COL1A2: variants seen among roughly 807,000 people sequenced by gnomAD.
The protein encoded by COL1A2 is collagen alpha-2(I) chain.
A neutral mutation model predicts 174.3 loss-of-function variants in COL1A2; 49 were observed. That is an observed-to-expected ratio of 0.28 (90% CI 0.22 to 0.36). The LOEUF is 0.36. COL1A2 is among the 10% of genes least tolerant of loss of function. The pLI is 1.00. For synonymous variants in COL1A2, 655 were observed against 606.6 expected (o/e 1.08, Z -1.17); for missense variants, 1,438 against 1,822.7 (o/e 0.79, Z 3.84).
intron 50 of COL1A2, 62 bp from the exon 51 acceptor site, chr7:94,429,125 TG>T: frequency 8.4e-6 from 9 of 1,076,266 alleles, no homozygotes; most frequent in South Asian, 3.1e-5. Context: ...TTTTTTTTCA[TG>T]TTTGACTCTT....
At chr7:94,419,686 G>A in intron 34 of COL1A2, 135 bp downstream of exon 34, 1 of 945,386 alleles carries the variant, frequency 1.1e-6, no homozygotes, top group Non-Finnish European at 1.7e-6. Context: ...TATTGTGATA[G>A]AGCAGCAGGA....
At chr7:94,399,182 C>T in intron 4 of COL1A2, 98 bp downstream of exon 4, 3 of 1,128,462 alleles carry the variant, frequency 2.7e-6, no homozygotes, top group Non-Finnish European at 4.0e-6. Flanking sequence ...TATTATGTAT[C>T]CAGATAATTG....
rs1791987382 is a variant in COL1A2, at chr7:94,414,063, GA to G, written c.1665+119del. On this transcript the variant is annotated intron_variant, in intron 28 of 51. Coordinates refer to ENST00000297268, the MANE Select transcript of COL1A2 (RefSeq NM_000089.4). ...AACATGATTTCAGGACTGAAGCAAA[GA>G]AAGGTGCATTTTTTTCAAACAAACT... is the stretch of plus-strand genomic sequence containing the variant. 4.5e-6 allele frequency: 6 copies of G among 1,333,700 alleles called. No homozygotes were observed. The South Asian group carries it at 7.2e-5, about 16-fold the overall frequency. 82.6% of individuals were successfully genotyped at this position (1,333,700 alleles called of 1,614,324 possible).
chr7:94,405,761 C>A lies in COL1A2; in HGVS notation c.540+35C>A, dbSNP rs1298289409. 10 of 1,565,612 alleles carry A rather than the reference C, an allele frequency of 6.4e-6. No individual in the cohort carries two copies. The African/African-American group carries it at 8.1e-5, about 13-fold the overall frequency. On this transcript the variant is annotated intron_variant, in intron 11 of 51. Coordinates refer to ENST00000297268, the MANE Select transcript of COL1A2 (RefSeq NM_000089.4). ...TTCTTTACTCAGAAGAGAGAAAATGCCTATTAATTTTTGGAAAAAACTCAA... is the reference window on the plus strand; with the variant it reads ...TTCTTTACTCAGAAGAGAGAAAATGACTATTAATTTTTGGAAAAAACTCAA...
At chr7:94,409,244 TA>T in intron 16 of COL1A2, 77 bp from the exon 17 acceptor site, 1 of 1,258,894 alleles carries the variant, frequency 7.9e-7, no homozygotes. Flanking sequence ...AGACATTTCA[TA>T]AAACTTGGCA....
intron 23 of COL1A2, 104 bp downstream of exon 23, chr7:94,411,258 T>C (rs1791917140): frequency 5.3e-6 from 5 of 935,484 alleles, no homozygotes; most frequent in Non-Finnish European, 8.4e-6. Context: ...AAAGTAAATT[T>C]GTTAGTAGTC....
chr7:94,427,012 A>G lies in COL1A2; in HGVS notation c.3110A>G (p.His1037Arg). Residue 1037 changes from histidine to arginine, a missense_variant, in exon 47 of 52, where the codon CAC (histidine) becomes CGC (arginine). Physicochemically the swap from His to Arg is conservative, Grantham distance 29 (BLOSUM62 0). This residue lies in a region of COL1A2 where 867 missense variants were observed against 1,213.7 expected (regional missense o/e 0.71). Coordinates refer to ENST00000297268, the MANE Select transcript of COL1A2 (RefSeq NM_000089.4). ...GLQGLPGIAG[H>R]HGDQGAPGSV... Reference sequence around the variant, plus strand: ...TTTCCTCTTCTGTCTTTAAAGGGTCACCATGGTGATCAAGGTGCTCCTGGC... The same window carrying G: ...TTTCCTCTTCTGTCTTTAAAGGGTCGCCATGGTGATCAAGGTGCTCCTGGC... 6.2e-7 allele frequency: 1 copy of G among 1,613,796 alleles called. No individual in the cohort carries two copies. The highest frequency in any genetic ancestry group is 8.5e-7 in the Non-Finnish European group (1 of 1,179,894).
intron 46 of COL1A2, chr7:94,426,786 C>A (rs1326506667): frequency 3.2e-6 from 2 of 626,068 alleles, no homozygotes; most frequent in Admixed American, 5.7e-5. Context: ...TTAAAATAAA[C>A]ATAATTAGAG....
At chr7:94,420,722 T>A in intron 37 of COL1A2, 74 bp downstream of exon 37, 1 of 1,299,540 alleles carries the variant, frequency 7.7e-7, no homozygotes. Context: ...ATCCGTCAAG[T>A]GCCTGCTATG....
chr7:94,425,446 C>T, intron 42 of COL1A2, 164 bp from the exon 43 acceptor site: 2 of 873,802 alleles, frequency 2.3e-6, no homozygotes, highest in Non-Finnish European at 3.7e-6. Flanking sequence ...TAAAACATCT[C>T]TAAAAAATAT....
intron 34 of COL1A2, among the ~76,000 whole-genome samples, chr7:94,419,892 A>G (rs955407871): frequency 6.6e-6 from 1 of 152,224 alleles, no homozygotes; most frequent in Non-Finnish European, 1.5e-5. Context: ...CCCATTTCAC[A>G]TTGAACTCTC....
At chr7:94,412,840 G>C (rs1210043471) in intron 25 of COL1A2, among the ~76,000 whole-genome samples, 158 bp downstream of exon 25, 1 of 152,156 alleles carries the variant, frequency 6.6e-6, no homozygotes, top group Non-Finnish European at 1.5e-5. Context: ...TTTACCTCTA[G>C]TGTATCCTTA....
chr7:94,412,060 T>C lies in COL1A2; in HGVS notation c.1351-8T>C. On this transcript the variant is annotated splice_polypyrimidine_tract_variant and splice_region_variant and intron_variant, in intron 23 of 51. Transcript: ENST00000297268. ...GCCAATATAAAAACATCCTCATTTA[T>C]TTTATAGGGTCTTCCTGGTTCCCCT... The C allele has an allele frequency of 6.2e-7, 1 of 1,609,494 alleles. No individual in the cohort carries two copies. Among genetic ancestry groups the C allele is most frequent in the South Asian group, 1.1e-5 (1 of 90,302 alleles).
At position 94,429,086 on chromosome 7, in the gene COL1A2, T is replaced by C. The variant is rs112581813; in HGVS notation, c.3712-102T>C. On this transcript the variant is annotated intron_variant, in intron 50 of 51. Transcript: ENST00000297268. Reference sequence around the variant, plus strand: ...TTCCTAAGCTTGGATCTGAGTCTACTCTTCCTGAGATCTTTTTTTTTCTTT... The same window carrying C: ...TTCCTAAGCTTGGATCTGAGTCTACCCTTCCTGAGATCTTTTTTTTTCTTT... The C allele has an allele frequency of 9.2e-3, 8,851 of 966,148 alleles. 548 individuals are homozygous for C. The African/African-American group carries it at 0.13, about 14-fold the overall frequency. The allele number at this position is 966,148 out of a possible 1,614,324, so 59.8% of individuals were successfully genotyped here.
rs755684883 is a variant in COL1A2, at chr7:94,421,971, A to T, written c.2403+19A>T. ...ACCCTCTGTAAGTAAATCACTGTAA[A>T]CGTGTCTTCATTTACTCTAGCCAAA... On this transcript the variant is annotated intron_variant, in intron 39 of 51. Coordinates refer to ENST00000297268, the MANE Select transcript of COL1A2 (RefSeq NM_000089.4). The T allele has an allele frequency of 1.2e-6, 2 of 1,612,298 alleles. No individual in the cohort carries two copies. Among genetic ancestry groups the T allele is most frequent in the South Asian group, 2.2e-5 (2 of 90,974 alleles).
At position 94,424,376 on chromosome 7, in the gene COL1A2, C is replaced by T; in HGVS notation, c.2606C>T (p.Ala869Val). The T allele has an allele frequency of 1.9e-6, 3 of 1,614,130 alleles. No homozygotes were observed. Among genetic ancestry groups the T allele is most frequent in the Non-Finnish European group, 2.5e-6 (3 of 1,180,014 alleles). The change falls in exon 41 of 52, where the codon GCT (alanine) becomes GTT (valine). Residue 869 changes from alanine (A) to valine (V), a missense_variant. Physicochemically the swap from Ala to Val is moderately conservative, Grantham distance 64. Transcript: ENST00000297268. The part of the protein sequence containing the change: ...GTPGPQGLLG[A>V]PGILGLPGSR... ...CCAGGTCCTCAGGGTCTTCTTGGTG[C>T]TCCTGGTATTCTGGGTCTCCCTGGC...
chr7:94,406,291 T>C lies in COL1A2; in HGVS notation c.582T>C (p.Ala194=). 2 of 1,613,992 alleles carry C rather than the reference T, an allele frequency of 1.2e-6. No homozygotes were observed. The highest frequency in any genetic ancestry group is 1.7e-6 in the Non-Finnish European group (2 of 1,179,870). ...GLDGLKGQPG[A]PGVKGEPGAP... is the part of the protein sequence containing the mutation. ...ATGGATTGAAGGGACAGCCCGGTGC[T>C]CCTGGTGTGAAGGTAAATATTAAAT... Residue 194 remains alanine, a synonymous_variant, in exon 12 of 52, where the codon GCT becomes GCC. Coordinates refer to ENST00000297268, the MANE Select transcript of COL1A2 (RefSeq NM_000089.4).
rs1226635167 is a variant in COL1A2, at chr7:94,424,230, T to A, written c.2566-106T>A. 3.4e-5 allele frequency: 31 copies of A among 913,140 alleles called. No homozygotes were observed. The Middle Eastern group carries it at 6.5e-4, about 19-fold the overall frequency. The allele number at this position is 913,140 out of a possible 1,614,324, so 56.6% of individuals were successfully genotyped here. On this transcript the variant is annotated intron_variant, in intron 40 of 51. Coordinates refer to ENST00000297268, the MANE Select transcript of COL1A2 (RefSeq NM_000089.4). ...ATATGTCCTAGTAATAGGAGGTCATTAGCCTTTTTCTAAGCTGAAGACAGT... is the reference window on the plus strand; with the variant it reads ...ATATGTCCTAGTAATAGGAGGTCATAAGCCTTTTTCTAAGCTGAAGACAGT...
At chr7:94,418,763 T>C (rs998080061) in intron 33 of COL1A2, among the ~76,000 whole-genome samples, 1 of 152,076 alleles carries the variant, frequency 6.6e-6, no homozygotes, top group South Asian at 2.1e-4. Flanking sequence ...GAAAATAATA[T>C]CCTGAATTTT....
Sources: allele counts gnomAD v4.1 joint callset (sites outside exome capture counted in the v4.1 genomes callset), GRCh38; gene constraint gnomAD v4.1.1; regional missense constraint gnomAD v4.1.1; transcripts MANE v1.5; gene names NCBI Gene and HGNC (gene_info 2026-07-23, HGNC 2026-07-21).